The following KANSL1 variants were observed in gnomAD, a reference collection of about 807,000 sequenced individuals.
KANSL1 encodes KAT8 regulatory NSL complex subunit 1, also known as MLL1/MLL complex subunit KANSL1.
In KANSL1, 22 loss-of-function variants were observed where a neutral mutation model predicts 103.6. The ratio of observed to expected loss-of-function variants is 0.21; its 90% CI spans 0.15 to 0.30. The LOEUF (loss-of-function observed/expected upper bound fraction) is 0.30. Among genes scored for constraint, KANSL1 ranks in the 10% least tolerant of loss-of-function variants. KANSL1 has a pLI of 1.00. For synonymous variants in KANSL1, 600 were observed against 527.6 expected, an observed-to-expected ratio of 1.14 and a Z score of -1.88; for missense variants, 1,337 against 1,399.8, an observed-to-expected ratio of 0.96 and a Z score of 0.72.
Position 46,176,926 on chromosome 17 carries a change from G to A in KANSL1, c.-89-4694C>T, listed in dbSNP as rs2046549816. 3.3e-5 allele frequency among the ~76,000 whole-genome samples: 5 copies of A among 152,042 alleles called. No individual in the cohort carries two copies. The South Asian group carries it at 6.2e-4, about 19-fold the overall frequency. On this transcript the variant is annotated intron_variant, in intron 1 of 14. Coordinates refer to ENST00000432791, the MANE Select transcript of KANSL1 (RefSeq NM_015443.4). ...ACAGGAAAAAGTGACCACTTTTTCC[G>A]AAAAAATTCCCATTCCTAATTCCTA...
chr17:46,087,304 T>C (rs2079200102), intron 3 of KANSL1, among the ~76,000 whole-genome samples: 1 of 152,232 alleles, frequency 6.6e-6, no homozygotes, highest in African/African-American at 2.4e-5. Context: ...CACTGTCCAT[T>C]GCCCCCAAGA....
intron 10 of KANSL1, chr17:46,037,784 C>T (rs1396105934): frequency 1.3e-5 from 2 of 152,158 alleles, no homozygotes; most frequent in East Asian, 1.9e-4. Context: ...AATTATTATA[C>T]AAAAAGGACC....
intron 10 of KANSL1, chr17:46,038,234 A>G: frequency 2.8e-6 from 1 of 360,196 alleles, no homozygotes; most frequent in South Asian, 6.2e-5. Flanking sequence ...TGTGAAACTT[A>G]GTCCAACAGA....
In KANSL1 at chr17:46,185,692, T is replaced by TATACACACAC. The variant is rs754864409; in HGVS notation, c.-90+7130_-90+7131insGTGTGTGTAT. Among the ~76,000 whole-genome samples, 55 of 144,406 alleles carry TATACACACAC rather than the reference T, an allele frequency of 3.8e-4. 1 individual carries two copies. Among genetic ancestry groups the TATACACACAC allele is most frequent in the African/African-American group, 1.3e-3 (50 of 37,042 alleles). The allele number at this position is 144,406 out of a possible 152,430, so 94.7% of individuals were successfully genotyped here. ...ACACATATATATACACACACATATA[T>TATACACACAC]ACACACACACACACACACACACACA... On this transcript the variant is annotated intron_variant, in intron 1 of 14. Coordinates refer to ENST00000432791, the MANE Select transcript of KANSL1 (RefSeq NM_015443.4).
At position 46,130,187 on chromosome 17, in the gene KANSL1, C is replaced by CAAAAAAAAAAAAAAAAAAAAA. The variant is rs35017603; in HGVS notation, c.1290-35507_1290-35487dup. Among the ~76,000 whole-genome samples the CAAAAAAAAAAAAAAAAAAAAA allele has an allele frequency of 3.0e-3, 223 of 75,338 alleles. 7 individuals are homozygous for CAAAAAAAAAAAAAAAAAAAAA. Among genetic ancestry groups the CAAAAAAAAAAAAAAAAAAAAA allele is most frequent in the Non-Finnish European group, 5.1e-3 (188 of 36,876 alleles). The allele number at this position is 75,338 out of a possible 152,430, so 49.4% of individuals were successfully genotyped here. A position where few individuals can be genotyped will look rare whatever the true frequency, so the allele number is the denominator to read the frequency against. ...GGGCAAAAGAATGAGATCCTGTCTC[C>CAAAAAAAAAAAAAAAAAAAAA]AAAAAAAAAAAAAAAAAAAAAGGAA... is the stretch of plus-strand genomic sequence containing the variant. On this transcript the variant is annotated intron_variant, in intron 2 of 14. Coordinates refer to ENST00000432791, the MANE Select transcript of KANSL1 (RefSeq NM_015443.4).
intron 2 of KANSL1, among the ~76,000 whole-genome samples, chr17:46,125,013 G>GTAA (rs2043454907): frequency 7.2e-6 from 1 of 138,532 alleles, no homozygotes; most frequent in Non-Finnish European, 1.6e-5. Flanking sequence ...GAAAGGGAAG[G>GTAA]GAAGGGAAGG....
chr17:46,039,061 C>G lies in KANSL1; in HGVS notation c.2358G>C (p.Met786Ile), dbSNP rs751561133. ...PPVHDPNHSK[M>I]RLRDHSSERS... Reference sequence around the variant, plus strand: ...TCTCAGATGAATGGTCTCGCAATCTCATTTTGCTGTGGTTTGGGTCATGCA... The same window carrying G: ...TCTCAGATGAATGGTCTCGCAATCTGATTTTGCTGTGGTTTGGGTCATGCA... Residue 786 changes from methionine to isoleucine, a missense_variant, in exon 9 of 15, where the codon ATG becomes ATC. Physicochemically the swap from Met to Ile is conservative, Grantham distance 10. Around this residue, in one of 2 missense-constraint regions of KANSL1, gnomAD observed 780 missense variants for 923.4 expected, o/e 0.84. Coordinates refer to ENST00000432791, the MANE Select transcript of KANSL1 (RefSeq NM_015443.4). 1 of 1,611,620 alleles carries G rather than the reference C, an allele frequency of 6.2e-7. No homozygotes were observed. The highest frequency in any genetic ancestry group is 2.2e-5 in the East Asian group (1 of 44,806).
At chr17:46,045,570 T>C (rs2077477032) in intron 7 of KANSL1, 1 of 152,100 alleles carries the variant, frequency 6.6e-6, no homozygotes, top group African/African-American at 2.4e-5. Flanking sequence ...TAGGATTAGA[T>C]GCAGGAAAAT....
chr17:46,185,690 T>TAC (rs1285810639), intron 1 of KANSL1, among the ~76,000 whole-genome samples: 721 of 65,910 alleles, frequency 0.011, 5 homozygotes, highest in Middle Eastern at 0.037. Flanking sequence ...CACACACATA[T>TAC]ATACACACAC....
intron 2 of KANSL1, among the ~76,000 whole-genome samples, chr17:46,130,670 G>A (rs576510440): frequency 1.1e-4 from 16 of 152,256 alleles, no homozygotes; most frequent in South Asian, 1.0e-3. Context: ...AGTTCAAGAC[G>A]GCTTCTCCCT....
At position 46,067,679 on chromosome 17, in the gene KANSL1, A is replaced by C; in HGVS notation, c.1534-12T>G. 7.1e-7 allele frequency: 1 copy of C among 1,401,674 alleles called. No individual in the cohort carries two copies. Among genetic ancestry groups the C allele is most frequent in the Non-Finnish European group, 1.0e-6 (1 of 988,538 alleles). 86.8% of individuals were successfully genotyped at this position (1,401,674 alleles called of 1,614,324 possible). A position where few individuals can be genotyped will look rare whatever the true frequency, so the allele number is the denominator to read the frequency against. ...GAAACAGACTCAATCTGATTAAGAA[A>C]AAGGAAAAAAGAAATTAACATGTAC... On this transcript the variant is annotated splice_polypyrimidine_tract_variant and intron_variant, in intron 4 of 14. Transcript: ENST00000432791.
chr17:46,127,158 T>C (rs1205343849), intron 2 of KANSL1, among the ~76,000 whole-genome samples: 1 of 152,264 alleles, frequency 6.6e-6, no homozygotes, highest in African/African-American at 2.4e-5. Context: ...AAAGGACTAT[T>C]TTCACCCCTC....
chr17:46,210,661 T>C (rs900044743), intron 1 of KANSL1, among the ~76,000 whole-genome samples: 4 of 152,114 alleles, frequency 2.6e-5, no homozygotes, highest in Admixed American at 1.3e-4. Flanking sequence ...TTTTAATATA[T>C]TGTACAAAAA....
At chr17:46,161,740 T>C (rs1390618842) in intron 2 of KANSL1, among the ~76,000 whole-genome samples, 2 of 152,244 alleles carry the variant, frequency 1.3e-5, no homozygotes, top group African/African-American at 2.4e-5. Context: ...CACCTCTCTC[T>C]AGTTGCCATT....
At chr17:46,203,969 A>T (rs1198414611) in intron 1 of KANSL1, among the ~76,000 whole-genome samples, 1 of 151,938 alleles carries the variant, frequency 6.6e-6, no homozygotes, top group Non-Finnish European at 1.5e-5. Context: ...TGAGCCTAGG[A>T]GTTCTAGACT....
chr17:46,174,161 T>TC (rs1300206841), intron 1 of KANSL1, among the ~76,000 whole-genome samples: 1 of 152,222 alleles, frequency 6.6e-6, no homozygotes, highest in African/African-American at 2.4e-5. Flanking sequence ...TTAAACATTT[T>TC]CCCAATATTT....
At chr17:46,105,581 C>G (rs1333942634) in intron 2 of KANSL1, among the ~76,000 whole-genome samples, 3 of 151,892 alleles carry the variant, frequency 2.0e-5, no homozygotes, top group Non-Finnish European at 4.4e-5. Flanking sequence ...CGCCATTGCA[C>G]TCCAGACCAG....
intron 1 of KANSL1, among the ~76,000 whole-genome samples, chr17:46,204,840 C>T (rs2047911768): frequency 6.6e-6 from 1 of 152,196 alleles, no homozygotes; most frequent in Non-Finnish European, 1.5e-5. Flanking sequence ...AGGATACAAA[C>T]CACATGATCA....
intron 2 of KANSL1, among the ~76,000 whole-genome samples, chr17:46,127,580 C>T (rs1336059329): frequency 6.6e-6 from 1 of 152,170 alleles, no homozygotes; most frequent in African/African-American, 2.4e-5. Flanking sequence ...CTGAGACCAG[C>T]CTGGGCAACA....
Sources: allele counts gnomAD v4.1 joint callset (sites outside exome capture counted in the v4.1 genomes callset), GRCh38; gene constraint gnomAD v4.1.1; regional missense constraint gnomAD v4.1.1; transcripts MANE v1.5; gene names NCBI Gene and HGNC (gene_info 2026-07-23, HGNC 2026-07-21).